TCF7: variants seen among roughly 807,000 people sequenced by gnomAD.
TCF7 encodes T-cell-factor-7.
In TCF7, 19 loss-of-function variants were observed where a neutral mutation model predicts 46.8. The ratio of observed to expected loss-of-function variants is 0.41; its 90% CI spans 0.28 to 0.60. The LOEUF is 0.60. TCF7 is among the 20% of genes least tolerant of loss of function. The probability of loss-of-function intolerance (pLI) is 0.35; values close to 1 mark genes in which losing one functional copy is unlikely to be tolerated. For synonymous variants in TCF7, 245 were observed against 213.4 expected, an observed-to-expected ratio of 1.15 and a Z score of -1.29; for missense variants, 547 against 504.6, an observed-to-expected ratio of 1.08 and a Z score of -0.81.
chr5:134,127,068 C>G (rs1458407001), intron 3 of TCF7, among the ~76,000 whole-genome samples: 3 of 152,244 alleles, frequency 2.0e-5, no homozygotes, highest in Admixed American at 6.5e-5. Flanking sequence ...CCTCCCTGCT[C>G]TATCCCATTT....
chr5:134,137,975 G>A, intron 3 of TCF7, 84 bp from the exon 4 acceptor site: 1 of 1,174,534 alleles, frequency 8.5e-7, no homozygotes, highest in Non-Finnish European at 1.2e-6. Context: ...TTCTTTGACA[G>A]CTGGGCTTCC....
At chr5:134,133,367 C>G (rs547839379) in intron 3 of TCF7, among the ~76,000 whole-genome samples, 105 of 152,260 alleles carry the variant, frequency 6.9e-4, no homozygotes, top group African/African-American at 2.4e-3. Context: ...GACAATCACC[C>G]TAGGCCTGCC....
intron 3 of TCF7, among the ~76,000 whole-genome samples, chr5:134,135,880 A>G (rs893232049): frequency 1.3e-5 from 2 of 152,256 alleles, no homozygotes; most frequent in Non-Finnish European, 2.9e-5. Context: ...GCAGTGTGGC[A>G]TTCTGCAAGC....
intron 3 of TCF7, among the ~76,000 whole-genome samples, chr5:134,131,492 G>A (rs751583512): frequency 6.6e-6 from 1 of 151,788 alleles, no homozygotes; most frequent in Non-Finnish European, 1.5e-5. Flanking sequence ...CCTTCCATGG[G>A]CTTTTCCCCA....
intron 3 of TCF7, chr5:134,123,748 G>T (rs1375599467): frequency 2.2e-6 from 1 of 456,332 alleles, no homozygotes; most frequent in Non-Finnish European, 4.4e-6. Flanking sequence ...GCAGCATGTT[G>T]GCATCATGGT....
rs1465463692 is a variant in TCF7 at position 134,114,687 on chromosome 5, CCGG to C, written c.-214_-212del. ...TGCCCGCCCCGCCCCCGGCACTCGG[CCGG>C]CGGCGCCTTTGATGTTCCGACCCGC... On this transcript the variant is annotated 5_prime_UTR_variant, in exon 1 of 10. Transcript: ENST00000342854. 5.2e-6 allele frequency: 1 copy of C among 190,636 alleles called. No individual in the cohort carries two copies. Among genetic ancestry groups the C allele is most frequent in the East Asian group, 2.0e-4 (1 of 5,012 alleles). The allele number at this position is 190,636 out of a possible 1,614,324, so 11.8% of individuals were successfully genotyped here. A position where few individuals can be genotyped will look rare whatever the true frequency, so the allele number is the denominator to read the frequency against.
intron 9 of TCF7, chr5:134,145,679 C>G (rs965283929): frequency 6.4e-7 from 1 of 1,565,288 alleles, no homozygotes; most frequent in Non-Finnish European, 8.8e-7. Flanking sequence ...TATCCACATA[C>G]ATATGCACGG....
In TCF7 at chr5:134,116,020, C is replaced by T. The variant is rs767607211; in HGVS notation, c.428C>T (p.Pro143Leu). ...PPSGAGQHPQ[P>L]QPPLHKANQP... ...TCGGGAGCAGGGCAGCACCCCCAGC[C>T]GCAGCCCCCGCTGGTAAGTGGACCC... Residue 143 changes from proline to leucine, a missense_variant, in exon 3 of 10, where the codon CCG becomes CTG. By Grantham distance (98) the Pro-to-Leu change is moderately conservative (BLOSUM62 -3). Around this residue, in one of 3 missense-constraint regions of TCF7, gnomAD observed 425 missense variants for 349.9 expected, o/e 1.21. Coordinates refer to ENST00000342854, the MANE Select transcript of TCF7 (RefSeq NM_003202.5). The T allele has an allele frequency of 3.5e-5, 57 of 1,612,370 alleles. No homozygotes were observed. Among genetic ancestry groups the T allele is most frequent in the Non-Finnish European group, 4.8e-5 (57 of 1,179,504 alleles).
intron 3 of TCF7, among the ~76,000 whole-genome samples, chr5:134,120,502 C>A: frequency 6.6e-6 from 1 of 152,232 alleles, no homozygotes; most frequent in Non-Finnish European, 1.5e-5. Context: ...CTCTTGCTGT[C>A]TCCCTGACAG....
intron 3 of TCF7, among the ~76,000 whole-genome samples, chr5:134,129,469 A>G (rs906030572): frequency 5.3e-5 from 8 of 152,126 alleles, no homozygotes; most frequent in African/African-American, 1.9e-4. Flanking sequence ...TGCATGAATA[A>G]CTGCCTGGGC....
chr5:134,115,724 G>T, intron 2 of TCF7, 185 bp from the exon 3 acceptor site: 1 of 1,435,446 alleles, frequency 7.0e-7, no homozygotes, highest in Admixed American at 2.9e-5. Flanking sequence ...GGGCCACCTC[G>T]GGGAGGCCTG....
Position 134,138,935 on chromosome 5 carries a change from C to T in TCF7, c.548-16C>T. On this transcript the variant is annotated splice_polypyrimidine_tract_variant and intron_variant, in intron 4 of 9. Coordinates refer to ENST00000342854, the MANE Select transcript of TCF7 (RefSeq NM_003202.5). ...AGGTCAGGCTAGCCCACTCACTCAG[C>T]TTCTCTCCTCTGCAGTTCACAGGCC... 2 of 1,613,480 alleles carry T rather than the reference C, an allele frequency of 1.2e-6. No individual in the cohort carries two copies. The highest frequency in any genetic ancestry group is 1.7e-6 in the Non-Finnish European group (2 of 1,179,862).
At chr5:134,113,099 C>A (rs1755367528), upstream of TCF7, among the ~76,000 whole-genome samples, 1 of 152,208 alleles carries the variant, frequency 6.6e-6, no homozygotes, top group African/African-American at 2.4e-5. Context: ...TGTACCTCTC[C>A]CCTCCGGGCA....
chr5:134,137,086 G>A (rs992140153), intron 3 of TCF7, among the ~76,000 whole-genome samples: 2 of 152,194 alleles, frequency 1.3e-5, no homozygotes, highest in Non-Finnish European at 2.9e-5. Flanking sequence ...CCTCCTTCCA[G>A]CCTGCTGACT....
At chr5:134,143,672 C>T (rs965794896) in intron 9 of TCF7, 32 bp downstream of exon 9, 1 of 1,612,748 alleles carries the variant, frequency 6.2e-7, no homozygotes, top group East Asian at 2.2e-5. Context: ...AGTGGAGGCT[C>T]CTCTCCATGT....
intron 9 of TCF7, chr5:134,145,525 G>A: frequency 1.7e-6 from 1 of 602,198 alleles, no homozygotes; most frequent in South Asian, 1.9e-5. Context: ...TCCTCAGTCA[G>A]TTTCAGGCCA....
intron 3 of TCF7, chr5:134,123,665 G>A: frequency 2.2e-6 from 1 of 455,976 alleles, no homozygotes; most frequent in Non-Finnish European, 4.4e-6. Context: ...GACTGGAGAA[G>A]AAGGTCCCAG....
At chr5:134,113,123 C>A (rs1023939834), upstream of TCF7, among the ~76,000 whole-genome samples, 3 of 152,222 alleles carry the variant, frequency 2.0e-5, no homozygotes, top group African/African-American at 4.8e-5. Flanking sequence ...CCGAGCCCCC[C>A]CTTCCCCGCC....
intron 3 of TCF7, among the ~76,000 whole-genome samples, chr5:134,117,248 C>T (rs958191063): frequency 3.3e-5 from 5 of 152,238 alleles, no homozygotes; most frequent in African/African-American, 1.2e-4. Context: ...TGGTTCACTT[C>T]CTTCCAAGTC....
Sources: allele counts gnomAD v4.1 joint callset (sites outside exome capture counted in the v4.1 genomes callset), GRCh38; gene constraint gnomAD v4.1.1; regional missense constraint gnomAD v4.1.1; transcripts MANE v1.5; gene names NCBI Gene and HGNC (gene_info 2026-07-23, HGNC 2026-07-21).